UCK1: variants seen among roughly 807,000 people sequenced by gnomAD.
The protein encoded by UCK1 is uridine-cytidine kinase 1, also known as cytidine monophosphokinase 1.
A neutral mutation model predicts 34.0 loss-of-function variants in UCK1; 20 were observed. The observed-to-expected ratio is 0.59, with a 90% CI of 0.41 to 0.86. The LOEUF (loss-of-function observed/expected upper bound fraction) is 0.86. UCK1 is among the 40% of genes least tolerant of loss of function. The pLI is 0.00. For missense variants in UCK1, 343 were observed against 383.6 expected (o/e 0.89, Z 0.88); for synonymous variants, 168 against 155.9 (o/e 1.08, Z -0.58).
At chr9:131,530,305 G>A (rs1367108813) in intron 2 of UCK1, among the ~76,000 whole-genome samples, 181 bp downstream of exon 2, 1 of 152,238 alleles carries the variant, frequency 6.6e-6, no homozygotes, top group Non-Finnish European at 1.5e-5. Flanking sequence ...TCAGGGCCCA[G>A]AGAACTCAGC....
Position 131,529,534 on chromosome 9 carries a change from C to T in UCK1, c.319G>A (p.Gly107Ser). ...TAGGTCGGCACCTCCACCGTTTTGC[C>T]CTCCACGATGTTCTTCAGAGTCCTG... Reference protein sequence around the residue: ...MHRTLKNIVEGKTVEVPTYDF... With the variant: ...MHRTLKNIVESKTVEVPTYDF... The change falls in exon 3 of 7, where the codon GGC becomes AGC. Residue 107 changes from glycine to serine, a missense_variant. Coordinates refer to ENST00000372215, the MANE Select transcript of UCK1 (RefSeq NM_031432.5). 1 of 1,614,188 alleles carries T rather than the reference C, an allele frequency of 6.2e-7. No homozygotes were observed. The highest frequency in any genetic ancestry group is 1.3e-5 in the African/African-American group (1 of 75,042).
chr9:131,528,737 G>A (rs1331775581), intron 5 of UCK1: 2 of 630,216 alleles, frequency 3.2e-6, no homozygotes, highest in Non-Finnish European at 5.4e-6. Flanking sequence ...GAGATATGGG[G>A]CTTTTTTAGG....
At position 131,531,242 on chromosome 9, in the gene UCK1, A is replaced by G. The variant is rs939607231; in HGVS notation, c.-68T>C. ...TTCCCCAGGCCCGGCGCGCCCGCCC[A>G]GCGCCGAGGTCGGAGGCAACCGGAG... On this transcript the variant is annotated 5_prime_UTR_variant, in exon 1 of 7. Transcript: ENST00000372215. The G allele has an allele frequency of 6.2e-6, 8 of 1,283,502 alleles. No homozygotes were observed. In the African/African-American group the frequency reaches 1.3e-4, roughly 22 times the overall value. The allele number at this position is 1,283,502 out of a possible 1,614,324, so 79.5% of individuals were successfully genotyped here. A position where few individuals can be genotyped will look rare whatever the true frequency, so the allele number is the denominator to read the frequency against.
chr9:131,527,739 T>A (rs952934766), intron 5 of UCK1, among the ~76,000 whole-genome samples: 2 of 151,780 alleles, frequency 1.3e-5, no homozygotes, highest in African/African-American at 4.8e-5. Context: ...TAACCGAGCA[T>A]GGTGGTGCAC....
rs372638164 is a variant in UCK1, at chr9:131,529,114, C to T, written c.508+14G>A. 2.8e-5 allele frequency: 45 copies of T among 1,613,364 alleles called. No individual in the cohort carries two copies. The highest frequency in any genetic ancestry group is 5.3e-5 in the African/African-American group (4 of 74,936). ...CCTCGGCCAGGCAGGCACGGAGGCC[C>T]GCGGCCGCCTTACCTCTTCGAGACA... On this transcript the variant is annotated intron_variant, in intron 4 of 6. Coordinates refer to ENST00000372215, the MANE Select transcript of UCK1 (RefSeq NM_031432.5).
chr9:131,528,749 A>G, intron 5 of UCK1, 195 bp downstream of exon 5: 1 of 663,248 alleles, frequency 1.5e-6, no homozygotes, highest in Non-Finnish European at 2.5e-6. Context: ...TTTTTTAGGC[A>G]GAGGGAGGAG....
Position 131,528,990 on chromosome 9 carries a change from T to TTCACGAAGGTG in UCK1, c.556_557insCACCTTCGTGA (p.Gln186ProfsTer4). ...GGCCGGCTTCACGAAGGTGGTGTAC[T>TTCACGAAGGTG]GCGTCAGAATCTGCTCCAGGTCCCT... is the stretch of plus-strand genomic sequence containing the variant. On this transcript the variant is annotated stop_gained and frameshift_variant, in exon 5 of 7. Coordinates refer to ENST00000372215, the MANE Select transcript of UCK1 (RefSeq NM_031432.5). LOFTEE classifies it high-confidence loss of function. The TTCACGAAGGTG allele has an allele frequency of 6.2e-7, 1 of 1,614,178 alleles. No homozygotes were observed. Among genetic ancestry groups the TTCACGAAGGTG allele is most frequent in the Non-Finnish European group, 8.5e-7 (1 of 1,180,034 alleles).
intron 2 of UCK1, 138 bp downstream of exon 2, chr9:131,530,348 C>T: frequency 9.9e-7 from 1 of 1,015,070 alleles, no homozygotes; most frequent in Non-Finnish European, 1.5e-6. Context: ...GCAGCCAACT[C>T]CACTGCAGGC....
In UCK1 at chr9:131,529,124, T is replaced by C. The variant is rs961582108; in HGVS notation, c.508+4A>G. The C allele has an allele frequency of 1.2e-6, 2 of 1,613,486 alleles. No homozygotes were observed. The highest frequency in any genetic ancestry group is 2.7e-5 in the African/African-American group (2 of 74,888). On this transcript the variant is annotated splice_donor_region_variant and intron_variant, in intron 4 of 6. Coordinates refer to ENST00000372215, the MANE Select transcript of UCK1 (RefSeq NM_031432.5). Reference sequence around the variant, plus strand: ...GCAGGCACGGAGGCCCGCGGCCGCCTTACCTCTTCGAGACAGCCTGACGTC... The same window carrying C: ...GCAGGCACGGAGGCCCGCGGCCGCCCTACCTCTTCGAGACAGCCTGACGTC...
intron 6 of UCK1, among the ~76,000 whole-genome samples, 192 bp from the exon 7 acceptor site, chr9:131,525,413 CT>C (rs982757335): frequency 3.3e-5 from 5 of 152,218 alleles, no homozygotes; most frequent in Admixed American, 2.6e-4. Context: ...GACTTCTTAG[CT>C]TGGTCTTCCA....
intron 5 of UCK1, chr9:131,526,412 T>G (rs1224765169): frequency 7.7e-7 from 1 of 1,294,618 alleles, no homozygotes; most frequent in African/African-American, 1.5e-5. Flanking sequence ...CCGTGCATAA[T>G]TACTGCAGGC....
intron 2 of UCK1, 111 bp downstream of exon 2, chr9:131,530,366 CGAGTTGGGG>C: frequency 8.2e-7 from 1 of 1,218,702 alleles, no homozygotes; most frequent in African/African-American, 1.5e-5. Flanking sequence ...GGCTGCGTGG[CGAGTTGGGG>C]GAACAGCCCA....
rs757964971 is a variant in UCK1, at chr9:131,525,002, T to C, written c.*38A>G. 1.2e-5 allele frequency: 19 copies of C among 1,592,896 alleles called. No homozygotes were observed. Among genetic ancestry groups the C allele is most frequent in the Non-Finnish European group, 1.6e-5 (19 of 1,166,936 alleles). On this transcript the variant is annotated 3_prime_UTR_variant, in exon 7 of 7. Coordinates refer to ENST00000372215, the MANE Select transcript of UCK1 (RefSeq NM_031432.5). ...CCCAGGCTCAGTCCCTGAACACACATGCCGGGCGGGAGACCTGCCCTGAGG... is the reference window on the plus strand; with the variant it reads ...CCCAGGCTCAGTCCCTGAACACACACGCCGGGCGGGAGACCTGCCCTGAGG...
chr9:131,529,505 A>G lies in UCK1; in HGVS notation c.348T>C (p.Asp116=). 6.2e-7 allele frequency: 1 copy of G among 1,613,892 alleles called. No homozygotes were observed. The highest frequency in any genetic ancestry group is 1.1e-5 in the South Asian group (1 of 91,074). The change falls in exon 3 of 7, where the codon GAT becomes GAC. Residue 116 remains aspartate (D), a synonymous_variant. Coordinates refer to ENST00000372215, the MANE Select transcript of UCK1 (RefSeq NM_031432.5). ...EGKTVEVPTY[D]FVTHSRLPET... ...CTGCTTACCTTGAGTGTGTCACAAA[A>G]TCATAGGTCGGCACCTCCACCGTTT...
At chr9:131,525,894 G>A (rs2131977523) in intron 6 of UCK1, 35 bp downstream of exon 6, 4 of 1,609,528 alleles carry the variant, frequency 2.5e-6, no homozygotes, top group East Asian at 4.5e-5. Flanking sequence ...GCTCTGGGAG[G>A]GGCGGGGGGA....
At chr9:131,526,178 A>G in intron 5 of UCK1, 1 of 687,524 alleles carries the variant, frequency 1.5e-6, no homozygotes, top group Non-Finnish European at 2.4e-6. Flanking sequence ...CAGAAAGTGC[A>G]GCTGAGGCAG....
At chr9:131,531,037 G>C in intron 1 of UCK1, 30 bp downstream of exon 1, 1 of 1,336,062 alleles carries the variant, frequency 7.5e-7, no homozygotes, top group South Asian at 1.9e-5. Context: ...ACCGGCGAGA[G>C]GCGAGACCCC....
At chr9:131,526,898 A>G (rs1564405615) in intron 5 of UCK1, among the ~76,000 whole-genome samples, 5 of 152,202 alleles carry the variant, frequency 3.3e-5, no homozygotes, top group African/African-American at 1.2e-4. Flanking sequence ...GAGAGCTGAC[A>G]GGGGTCTTAA....
At chr9:131,526,257 C>A (rs1224993880) in intron 5 of UCK1, 5 of 682,954 alleles carry the variant, frequency 7.3e-6, no homozygotes, top group East Asian at 6.2e-5. Context: ...AGTGTTCCCA[C>A]TCCATTACAG....
Sources: gnomAD v4.1 joint callset for allele counts (sites outside exome capture counted in the v4.1 genomes callset) on GRCh38, gnomAD v4.1.1 for gene constraint, MANE v1.5 for transcripts, NCBI Gene and HGNC (gene_info 2026-07-23, HGNC 2026-07-21) for gene names.